The following DOCK4 variants were observed in gnomAD, a reference collection of about 807,000 sequenced individuals.
The protein encoded by DOCK4 is dedicator of cytokinesis 4.
Under a neutral mutation model 268.1 loss-of-function variants are expected in DOCK4, and 97 were observed. The observed-to-expected ratio is 0.36, with a 90% confidence interval of 0.31 to 0.43. The LOEUF (loss-of-function observed/expected upper bound fraction) is 0.43. Ranked by LOEUF, DOCK4 falls within the 20% of genes least tolerant of loss-of-function variation. The pLI is 1.00. For missense variants in DOCK4, 2,145 were observed against 2,455.7 expected (o/e 0.87, Z 2.67); for synonymous variants, 954 against 887.2 (o/e 1.08, Z -1.34).
chr7:111,940,099 A>C lies in DOCK4; in HGVS notation c.977+11T>G, dbSNP rs752530084. On this transcript the variant is annotated intron_variant, in intron 11 of 52. Coordinates refer to ENST00000428084, the MANE Select transcript of DOCK4 (RefSeq NM_001363540.2). ...GCCTACCCCAGCCATCACCACGTGCATGTTTCTTACATGTATACTTTCAGA... is the reference window on the plus strand; with the variant it reads ...GCCTACCCCAGCCATCACCACGTGCCTGTTTCTTACATGTATACTTTCAGA... 6.2e-7 allele frequency: 1 copy of C among 1,613,914 alleles called. No homozygotes were observed. Among genetic ancestry groups the C allele is most frequent in the East Asian group, 2.2e-5 (1 of 44,872 alleles).
chr7:111,766,479 A>G (rs1342024704), intron 38 of DOCK4, among the ~76,000 whole-genome samples: 1 of 152,174 alleles, frequency 6.6e-6, no homozygotes, highest in African/African-American at 2.4e-5. Context: ...GGCAAGGAGG[A>G]CTTGTTTGAA....
At chr7:111,741,263 CT>C in intron 46 of DOCK4, 49 bp from the exon 47 acceptor site, 1 of 1,607,384 alleles carries the variant, frequency 6.2e-7, no homozygotes, top group Non-Finnish European at 8.5e-7. Flanking sequence ...CCAAATTGTA[CT>C]TTATCATGTG....
intron 8 of DOCK4, among the ~76,000 whole-genome samples, chr7:111,950,087 C>T (rs143546462): frequency 2.0e-5 from 3 of 152,280 alleles, no homozygotes; most frequent in Non-Finnish European, 4.4e-5. Flanking sequence ...CCACCCCACT[C>T]AGCTAATTTT....
intron 1 of DOCK4, among the ~76,000 whole-genome samples, chr7:112,069,609 C>A (rs1807399514): frequency 6.6e-6 from 1 of 152,150 alleles, no homozygotes; most frequent in African/African-American, 2.4e-5. Flanking sequence ...AAGAGCCTCA[C>A]ACAAGAGCTT....
chr7:111,815,820 C>T (rs185275893), intron 27 of DOCK4, among the ~76,000 whole-genome samples: 11 of 149,386 alleles, frequency 7.4e-5, no homozygotes, highest in African/African-American at 2.3e-4. Context: ...TACAGGTGCC[C>T]GCCACTGCGC....
intron 1 of DOCK4, among the ~76,000 whole-genome samples, chr7:112,068,289 T>C (rs1380182160): frequency 6.6e-6 from 1 of 152,144 alleles, no homozygotes; most frequent in Non-Finnish European, 1.5e-5. Flanking sequence ...CTTGAAAAGA[T>C]AAAACAATGT....
In DOCK4 at chr7:111,913,057, G is replaced by A. The variant is rs1328920441; in HGVS notation, c.1192+2722C>T. ...TGGCTCACTGCAACCTCCGCCTCCCGGGTTCAAGCGATTCTCTTGCCTCAG... is the reference window on the plus strand; with the variant it reads ...TGGCTCACTGCAACCTCCGCCTCCCAGGTTCAAGCGATTCTCTTGCCTCAG... On this transcript the variant is annotated intron_variant, in intron 13 of 52. Transcript: ENST00000428084. 6.6e-5 allele frequency among the ~76,000 whole-genome samples: 10 copies of A among 151,690 alleles called. No individual in the cohort carries two copies. In the East Asian group the frequency reaches 7.8e-4, roughly 12 times the overall value.
intron 18 of DOCK4, 23 bp from the exon 19 acceptor site, chr7:111,872,375 A>G (rs1806500415): frequency 6.5e-7 from 1 of 1,531,724 alleles, no homozygotes; most frequent in Admixed American, 2.1e-5. Flanking sequence ...GAAGTAGCAA[A>G]TGAGTAAATA....
At chr7:111,866,080 T>C (rs1290305187) in intron 22 of DOCK4, among the ~76,000 whole-genome samples, 1 of 152,246 alleles carries the variant, frequency 6.6e-6, no homozygotes, top group African/African-American at 2.4e-5. Flanking sequence ...TATAGAACTG[T>C]GGGCTAATAA....
chr7:111,895,444 T>C (rs767602720), intron 16 of DOCK4, among the ~76,000 whole-genome samples, 168 bp downstream of exon 16: 1 of 152,200 alleles, frequency 6.6e-6, no homozygotes, highest in Non-Finnish European at 1.5e-5. Flanking sequence ...TGTTCTAAAA[T>C]ATAACCCAAT....
Position 111,739,508 on chromosome 7 carries a change from C to G in DOCK4, c.5041-31G>C, listed in dbSNP as rs535669515. The G allele has an allele frequency of 4.9e-4, 761 of 1,540,532 alleles. 11 individuals carry two copies. The South Asian group carries it at 8.6e-3, about 17-fold the overall frequency. ...AACACACAGGGAGCTATTATCATAC[C>G]CTGATTAAAGGCTTCCCACGACACT... On this transcript the variant is annotated intron_variant, in intron 47 of 52. Coordinates refer to ENST00000428084, the MANE Select transcript of DOCK4 (RefSeq NM_001363540.2).
In DOCK4 at chr7:111,859,778, G is replaced by A. The variant is rs371318285; in HGVS notation, c.2473+3594C>T. On this transcript the variant is annotated intron_variant, in intron 23 of 52. Transcript: ENST00000428084. Reference sequence around the variant, plus strand: ...GAGACGGGGTTTCACCGTTTTAGCCGGGATGGTCTCGATCTTCTGACCTCG... The same window carrying A: ...GAGACGGGGTTTCACCGTTTTAGCCAGGATGGTCTCGATCTTCTGACCTCG... Among the ~76,000 whole-genome samples the A allele has an allele frequency of 3.5e-3, 536 of 151,700 alleles. 6 individuals carry two copies. The highest frequency in any genetic ancestry group is 0.021 in the East Asian group (106 of 5,164).
At chr7:112,062,485 T>TAG (rs1483532937) in intron 1 of DOCK4, among the ~76,000 whole-genome samples, 2 of 152,196 alleles carry the variant, frequency 1.3e-5, no homozygotes, top group African/African-American at 4.8e-5. Flanking sequence ...GTGACTTATA[T>TAG]AGCATCTCTT....
chr7:111,935,287 T>C (rs1794639817), intron 12 of DOCK4: 3 of 485,652 alleles, frequency 6.2e-6, no homozygotes, highest in Non-Finnish European at 1.1e-5. Context: ...GTATGAAGAC[T>C]TGGTACCAAA....
At chr7:111,755,369 A>G (rs943965723) in intron 42 of DOCK4, 146 bp downstream of exon 42, 1 of 703,310 alleles carries the variant, frequency 1.4e-6, no homozygotes, top group African/African-American at 1.8e-5. Flanking sequence ...AGCCTTGGTA[A>G]TAGCGGTCAA....
chr7:112,075,944 A>G (rs1022792960), intron 1 of DOCK4, among the ~76,000 whole-genome samples: 2 of 152,164 alleles, frequency 1.3e-5, no homozygotes, highest in African/African-American at 4.8e-5. Context: ...TCCTTACACT[A>G]TCTGATATTT....
chr7:112,151,323 C>A (rs1816048260), intron 1 of DOCK4, among the ~76,000 whole-genome samples: 1 of 152,038 alleles, frequency 6.6e-6, no homozygotes. Context: ...CCTCATAGGT[C>A]TGTAGGATGC....
chr7:112,159,123 A>C (rs542582398), intron 1 of DOCK4, among the ~76,000 whole-genome samples: 2 of 152,286 alleles, frequency 1.3e-5, no homozygotes, highest in South Asian at 4.1e-4. Context: ...CATCACTGCA[A>C]ATACGCCCTC....
intron 1 of DOCK4, among the ~76,000 whole-genome samples, chr7:112,076,950 C>T (rs1172995879): frequency 7.2e-6 from 1 of 139,108 alleles, no homozygotes; most frequent in Non-Finnish European, 1.5e-5. Flanking sequence ...TGAACACTTT[C>T]CTGCAAGAGA....
Sources: gnomAD v4.1 joint callset for allele counts (sites outside exome capture counted in the v4.1 genomes callset) on GRCh38, gnomAD v4.1.1 for gene constraint, MANE v1.5 for transcripts, NCBI Gene and HGNC (gene_info 2026-07-23, HGNC 2026-07-21) for gene names.